The following SLC2A13 variants were observed in gnomAD, a reference collection of about 807,000 sequenced individuals.
SLC2A13 encodes the protein solute carrier family 2 member 13, also known as proton myo-inositol cotransporter.
A neutral mutation model predicts 64.4 loss-of-function variants in SLC2A13; 32 were observed. That is an observed-to-expected ratio of 0.50 (90% CI 0.37 to 0.67). The LOEUF (loss-of-function observed/expected upper bound fraction) is 0.67. Among genes scored for constraint, SLC2A13 ranks in the 30% least tolerant of loss-of-function variants. SLC2A13 has a pLI of 0.00. For missense variants in SLC2A13, 743 were observed against 829.2 expected (o/e 0.90, Z 1.28); for synonymous variants, 338 against 327.1 (o/e 1.03, Z -0.36).
At chr12:40,073,947 A>C (rs1018191995) in intron 1 of SLC2A13, among the ~76,000 whole-genome samples, 1 of 151,962 alleles carries the variant, frequency 6.6e-6, no homozygotes, top group Non-Finnish European at 1.5e-5. Flanking sequence ...TTATTGCTTC[A>C]AATATTTCTT....
intron 7 of SLC2A13, among the ~76,000 whole-genome samples, chr12:39,825,617 G>A (rs1392564089): frequency 2.0e-5 from 3 of 151,958 alleles, no homozygotes; most frequent in Non-Finnish European, 2.9e-5. Flanking sequence ...TGGAGAACAC[G>A]GTTCATAGTA....
intron 4 of SLC2A13, among the ~76,000 whole-genome samples, chr12:39,941,128 T>C (rs1592302694): frequency 2.5e-5 from 1 of 39,280 alleles, no homozygotes; most frequent in Non-Finnish European, 1.2e-4. Context: ...ATCATATATA[T>C]ATATATATAT....
At chr12:39,974,413 T>C (rs1348113928) in intron 3 of SLC2A13, among the ~76,000 whole-genome samples, 1 of 152,226 alleles carries the variant, frequency 6.6e-6, no homozygotes, top group African/African-American at 2.4e-5. Flanking sequence ...CTGTTTTTGG[T>C]GTCCTCATTT....
rs77320086 is a variant in SLC2A13, at chr12:40,083,324, A to C, written c.556+21929T>G. The stretch of plus-strand genomic sequence containing the variant: ...TAGGGTCCTCTTTTCCAAATCTGCT[A>C]TGCATAAAACCAGGATTTTCTCTTA... On this transcript the variant is annotated intron_variant, in intron 1 of 9. Coordinates refer to ENST00000280871, the MANE Select transcript of SLC2A13 (RefSeq NM_052885.4). 7.3e-3 allele frequency among the ~76,000 whole-genome samples: 1,104 copies of C among 152,198 alleles called. 11 individuals carry two copies. Among genetic ancestry groups the C allele is most frequent in the African/African-American group, 0.025 (1,033 of 41,520 alleles).
At chr12:39,853,016 T>C (rs1216270212) in intron 6 of SLC2A13, among the ~76,000 whole-genome samples, 1 of 151,988 alleles carries the variant, frequency 6.6e-6, no homozygotes, top group Non-Finnish European at 1.5e-5. Flanking sequence ...TTCTGTGGAG[T>C]TTACTTTTGT....
At position 39,789,921 on chromosome 12, in the gene SLC2A13, T is replaced by C. The variant is rs73272566; in HGVS notation, c.1446-25063A>G. ...ATTGGTTCATAGGAACGTCCAGATA[T>C]ATTATAAATCAGGATATCTTTAATA... On this transcript the variant is annotated intron_variant, in intron 7 of 9. Coordinates refer to ENST00000280871, the MANE Select transcript of SLC2A13 (RefSeq NM_052885.4). 7.4e-3 allele frequency among the ~76,000 whole-genome samples: 1,123 copies of C among 152,222 alleles called. 14 individuals are homozygous for C. Among genetic ancestry groups the C allele is most frequent in the African/African-American group, 0.026 (1,075 of 41,532 alleles).
intron 3 of SLC2A13, among the ~76,000 whole-genome samples, chr12:39,995,845 C>T (rs571455450): frequency 3.3e-5 from 5 of 152,290 alleles, no homozygotes; most frequent in South Asian, 4.1e-4. Context: ...CACAAGCTGC[C>T]GCTCTTTGCC....
chr12:39,969,029 A>G (rs1946591274), intron 3 of SLC2A13, among the ~76,000 whole-genome samples: 3 of 151,472 alleles, frequency 2.0e-5, no homozygotes, highest in Non-Finnish European at 4.4e-5. Flanking sequence ...ATTCCCATCT[A>G]TGAGTGAGAA....
chr12:39,915,441 C>A (rs959224706), intron 4 of SLC2A13, among the ~76,000 whole-genome samples: 1 of 151,942 alleles, frequency 6.6e-6, no homozygotes, highest in Non-Finnish European at 1.5e-5. Context: ...CATAGAAACA[C>A]CCTCAGCAGG....
intron 4 of SLC2A13, among the ~76,000 whole-genome samples, chr12:39,907,114 G>A (rs1013461077): frequency 2.0e-5 from 3 of 151,992 alleles, no homozygotes; most frequent in Non-Finnish European, 4.4e-5. Context: ...TTAATTAGTT[G>A]TAGTTACTAC....
Position 39,972,007 on chromosome 12 carries a change from T to C in SLC2A13, c.926-20642A>G, listed in dbSNP as rs369652892. On this transcript the variant is annotated intron_variant, in intron 3 of 9. Coordinates refer to ENST00000280871, the MANE Select transcript of SLC2A13 (RefSeq NM_052885.4). ...AGAAAAAAAAAAAAAAATATATATA[T>C]ATATATATTTTTTTTTATATAAATA... 6.5e-4 allele frequency among the ~76,000 whole-genome samples: 51 copies of C among 78,528 alleles called. 3 individuals are homozygous for C. The East Asian group carries it at 7.3e-3, about 11-fold the overall frequency. 51.5% of individuals were successfully genotyped at this position (78,528 alleles called of 152,430 possible).
intron 1 of SLC2A13, among the ~76,000 whole-genome samples, chr12:40,088,206 G>A (rs540901611): frequency 1.3e-5 from 2 of 152,272 alleles, no homozygotes; most frequent in South Asian, 4.1e-4. Context: ...AAGTACAAAA[G>A]TATAGACAGT....
chr12:40,100,732 A>G (rs1592083832), intron 1 of SLC2A13, among the ~76,000 whole-genome samples: 1 of 152,060 alleles, frequency 6.6e-6, no homozygotes, highest in African/African-American at 2.4e-5. Context: ...GGAAGGCCGA[A>G]GCAGGCAGAT....
chr12:39,997,864 A>G (rs1394915319), intron 3 of SLC2A13, among the ~76,000 whole-genome samples: 1 of 152,142 alleles, frequency 6.6e-6, no homozygotes, highest in Non-Finnish European at 1.5e-5. Flanking sequence ...AAAAAATTAA[A>G]AAATAGTAGA....
intron 7 of SLC2A13, among the ~76,000 whole-genome samples, chr12:39,825,069 A>G (rs78219645): frequency 0.014 from 2,142 of 152,310 alleles, 38 homozygotes; most frequent in African/African-American, 0.047. Context: ...CTGCTGAATG[A>G]ATACGGTAAA....
intron 1 of SLC2A13, among the ~76,000 whole-genome samples, chr12:40,078,049 GGA>G (rs906363668): frequency 2.6e-5 from 4 of 152,130 alleles, no homozygotes; most frequent in Non-Finnish European, 5.9e-5. Flanking sequence ...AGAAGCCTCT[GGA>G]GAGAGAGTAT....
At chr12:39,792,943 T>G (rs1406117820) in intron 7 of SLC2A13, among the ~76,000 whole-genome samples, 1 of 152,202 alleles carries the variant, frequency 6.6e-6, no homozygotes, top group East Asian at 1.9e-4. Context: ...ACCAAAGTTA[T>G]GAACTTTAAG....
At chr12:40,056,013 CA>C (rs910541968) in intron 1 of SLC2A13, among the ~76,000 whole-genome samples, 1 of 146,864 alleles carries the variant, frequency 6.8e-6, no homozygotes. Flanking sequence ...AAACAAACAA[CA>C]AAAAAAAACA....
intron 7 of SLC2A13, among the ~76,000 whole-genome samples, chr12:39,779,620 C>A (rs1032957688): frequency 6.6e-6 from 1 of 152,182 alleles, no homozygotes; most frequent in African/African-American, 2.4e-5. Context: ...TGTCATCTGA[C>A]AACAATTTCT....
Sources: gnomAD v4.1 joint callset for allele counts (sites outside exome capture counted in the v4.1 genomes callset) on GRCh38, gnomAD v4.1.1 for gene constraint, MANE v1.5 for transcripts, NCBI Gene and HGNC (gene_info 2026-07-23, HGNC 2026-07-21) for gene names.